The following ANKRD36 variants were observed in gnomAD, a reference collection of about 807,000 sequenced individuals.
ANKRD36 encodes ankyrin repeat domain-containing protein 36A.
Under a neutral mutation model 278.1 loss-of-function variants are expected in ANKRD36, and 179 were observed. The observed-to-expected ratio is 0.64, with a 90% CI of 0.57 to 0.73. ANKRD36 has a LOEUF of 0.73. Among genes scored for constraint, ANKRD36 ranks in the 30% least tolerant of loss-of-function variants. The pLI, the probability that ANKRD36 is intolerant of heterozygous loss-of-function variation, is 0.00. For synonymous variants in ANKRD36, 320 were observed against 641.1 expected (o/e 0.50, Z 7.57); for missense variants, 1,159 against 1,956.7 (o/e 0.59, Z 7.69).
rs192446070 is a variant in ANKRD36, at chr2:97,206,805, G to A, written c.3163+670G>A. ...TCATTACTCCCCTTTGTTACTATTA[G>A]GCATCAGAGATACATGTTTTGTTGA... On this transcript the variant is annotated intron_variant, in intron 52 of 75. Transcript: ENST00000420699. Among the ~76,000 whole-genome samples, 325 of 151,504 alleles carry A rather than the reference G, an allele frequency of 2.1e-3. 5 individuals are homozygous for A. The highest frequency in any genetic ancestry group is 5.5e-3 in the Admixed American group (83 of 15,136).
intron 56 of ANKRD36, among the ~76,000 whole-genome samples, chr2:97,210,451 T>C (rs1376470046): frequency 6.6e-6 from 1 of 151,866 alleles, no homozygotes; most frequent in African/African-American, 2.4e-5. Flanking sequence ...AAATTTGATT[T>C]TGGCTGCTCG....
chr2:97,220,218 A>G (rs1162800152), intron 66 of ANKRD36, among the ~76,000 whole-genome samples: 2 of 149,444 alleles, frequency 1.3e-5, no homozygotes, highest in African/African-American at 2.5e-5. Flanking sequence ...CATCACCTCA[A>G]GCATTAACCA....
Position 97,200,482 on chromosome 2 carries a change from G to A in ANKRD36, c.2814G>A (p.Ser938=), listed in dbSNP as rs759871410. The part of the protein sequence containing the change: ...EATSDEKDSF[S]NITREKKDGE... ...CAAGTGATGAGAAGGATTCTTTTTCGAATATAACCAGAGAAAAAAAGGATG... is the reference window on the plus strand; with the variant it reads ...CAAGTGATGAGAAGGATTCTTTTTCAAATATAACCAGAGAAAAAAAGGATG... Residue 938 remains serine, a synonymous_variant, in exon 46 of 76, where the codon TCG becomes TCA. Coordinates refer to ENST00000420699, the MANE Select transcript of ANKRD36 (RefSeq NM_001354587.1). 3 of 1,584,322 alleles carry A rather than the reference G, an allele frequency of 1.9e-6. No individual in the cohort carries two copies. The highest frequency in any genetic ancestry group is 1.3e-5 in the African/African-American group (1 of 74,270).
chr2:97,216,418 A>T (rs1391794662), intron 62 of ANKRD36, among the ~76,000 whole-genome samples: 2 of 152,056 alleles, frequency 1.3e-5, no homozygotes, highest in East Asian at 3.9e-4. Context: ...AATGTAAAAC[A>T]TATTAATATC....
chr2:97,232,089 A>C (rs1236223061), intron 67 of ANKRD36, among the ~76,000 whole-genome samples: 1 of 151,964 alleles, frequency 6.6e-6, no homozygotes, highest in Non-Finnish European at 1.5e-5. Context: ...TTCACTTCTT[A>C]GTTACAATCC....
rs181653977 is a variant in ANKRD36, at chr2:97,216,910, C to T, written c.3674-267C>T. ...TTGTCCTCATCACTCAGCATATCCACGTTGATATTGACACGGTTTTATTTT... is the reference window on the plus strand; with the variant it reads ...TTGTCCTCATCACTCAGCATATCCATGTTGATATTGACACGGTTTTATTTT... On this transcript the variant is annotated intron_variant, in intron 62 of 75. Transcript: ENST00000420699. 7.1e-3 allele frequency: 5,814 copies of T among 816,084 alleles called. 39 individuals are homozygous for T. Among genetic ancestry groups the T allele is most frequent in the Non-Finnish European group, 9.3e-3 (4,831 of 516,836 alleles). The allele number at this position is 816,084 out of a possible 1,614,324, so 50.6% of individuals were successfully genotyped here.
intron 34 of ANKRD36, among the ~76,000 whole-genome samples, chr2:97,190,098 A>G (rs949098425): frequency 2.2e-5 from 2 of 89,018 alleles, no homozygotes; most frequent in African/African-American, 5.2e-5. Context: ...AAACTTCTAT[A>G]GAGAACAACA....
At chr2:97,199,904 A>T (rs1338041804) in intron 44 of ANKRD36, among the ~76,000 whole-genome samples, 1 of 151,920 alleles carries the variant, frequency 6.6e-6, no homozygotes, top group Non-Finnish European at 1.5e-5. Flanking sequence ...GGCAAGTTAA[A>T]GAGCATGATG....
At chr2:97,250,669 G>A (rs1437800956) in intron 75 of ANKRD36, among the ~76,000 whole-genome samples, 4 of 115,972 alleles carry the variant, frequency 3.4e-5, no homozygotes, top group Non-Finnish European at 6.3e-5. Context: ...GGGAAAAGTT[G>A]AAAATTCCTT....
intron 18 of ANKRD36, among the ~76,000 whole-genome samples, chr2:97,162,924 G>A (rs75656589): frequency 7.2e-6 from 1 of 138,612 alleles, no homozygotes; most frequent in Non-Finnish European, 1.6e-5. Flanking sequence ...TTTCTTTCTT[G>A]AGTACTAAAA....
intron 11 of ANKRD36, among the ~76,000 whole-genome samples, chr2:97,147,404 A>G (rs987654523): frequency 2.6e-5 from 4 of 151,808 alleles, no homozygotes; most frequent in African/African-American, 9.7e-5. Flanking sequence ...CCATTTTCCT[A>G]TAGACACAAT....
At chr2:97,144,125 C>A (rs1370043877) in intron 8 of ANKRD36, among the ~76,000 whole-genome samples, 6 of 152,130 alleles carry the variant, frequency 3.9e-5, no homozygotes, top group Non-Finnish European at 1.5e-5. Flanking sequence ...GTATAAATCC[C>A]TCTGATGTGT....
At chr2:97,175,493 C>T (rs1486606908) in intron 22 of ANKRD36, among the ~76,000 whole-genome samples, 9 of 151,690 alleles carry the variant, frequency 5.9e-5, no homozygotes, top group East Asian at 5.8e-4. Flanking sequence ...TTTTTTATTG[C>T]GTCTATTTGA....
In ANKRD36 at chr2:97,200,508, G is replaced by T; in HGVS notation, c.2840G>T (p.Gly947Val). Reference sequence around the variant, plus strand: ...AATATAACCAGAGAAAAAAAGGATGGAGAAATATCTAGGAAAGGTAATTTT... The same window carrying T: ...AATATAACCAGAGAAAAAAAGGATGTAGAAATATCTAGGAAAGGTAATTTT... ...FSNITREKKD[G>V]EISRKVSSQK... is the part of the protein sequence containing the mutation. The change falls in exon 46 of 76, where the codon GGA (glycine) becomes GTA (valine). Residue 947 changes from glycine (G) to valine (V), a missense_variant. By Grantham distance (109) the Gly-to-Val change is moderately radical. Transcript: ENST00000420699. 1.9e-6 allele frequency: 3 copies of T among 1,567,332 alleles called. No homozygotes were observed. Among genetic ancestry groups the T allele is most frequent in the Middle Eastern group, 2.3e-4 (1 of 4,370 alleles).
intron 17 of ANKRD36, among the ~76,000 whole-genome samples, chr2:97,159,508 T>C (rs2048312252): frequency 6.6e-6 from 1 of 151,852 alleles, no homozygotes; most frequent in Non-Finnish European, 1.5e-5. Flanking sequence ...TTATATTTTA[T>C]CTAGTGAATG....
At chr2:97,170,469 T>C (rs1175165424) in intron 22 of ANKRD36, among the ~76,000 whole-genome samples, 1 of 151,956 alleles carries the variant, frequency 6.6e-6, no homozygotes, top group Non-Finnish European at 1.5e-5. Context: ...ATTCCCTATT[T>C]AATAAATGGT....
chr2:97,201,921 C>T (rs1460670690), intron 46 of ANKRD36, among the ~76,000 whole-genome samples: 1 of 151,882 alleles, frequency 6.6e-6, no homozygotes, highest in Non-Finnish European at 1.5e-5. Flanking sequence ...GTTCTCATCA[C>T]TCGGCATATC....
At chr2:97,188,854 C>T (rs1331256279) in intron 32 of ANKRD36, among the ~76,000 whole-genome samples, 1 of 90,438 alleles carries the variant, frequency 1.1e-5, no homozygotes, top group African/African-American at 2.6e-5. Flanking sequence ...TAGTTTTCGA[C>T]ATATGACGAA....
chr2:97,157,977 C>G, intron 15 of ANKRD36, 130 bp from the exon 16 acceptor site: 1 of 762,088 alleles, frequency 1.3e-6, no homozygotes, highest in African/African-American at 1.8e-5. Flanking sequence ...AAATGGCAGA[C>G]TTGAGGTTTG....
Sources: gnomAD v4.1 joint callset for allele counts (sites outside exome capture counted in the v4.1 genomes callset) on GRCh38, gnomAD v4.1.1 for gene constraint, MANE v1.5 for transcripts, NCBI Gene and HGNC (gene_info 2026-07-23, HGNC 2026-07-21) for gene names.